The following SLC26A5 variants were observed in gnomAD, a reference collection of about 807,000 sequenced individuals.
SLC26A5 encodes the protein solute carrier family 26 member 5, also known as prestin.
SLC26A5 carries 51 observed loss-of-function variants against 81.0 expected under a neutral mutation model. That is an observed-to-expected ratio of 0.63 (90% CI 0.50 to 0.80). The LOEUF (loss-of-function observed/expected upper bound fraction) is 0.80. Ranked by LOEUF, SLC26A5 falls within the 30% of genes least tolerant of loss-of-function variation. The pLI is 0.00. For synonymous variants in SLC26A5, 325 were observed against 332.8 expected (o/e 0.98, Z 0.25); for missense variants, 771 against 905.8 (o/e 0.85, Z 1.91).
At chr7:103,406,163 T>A (rs1361440393) in intron 8 of SLC26A5, among the ~76,000 whole-genome samples, 1 of 152,200 alleles carries the variant, frequency 6.6e-6, no homozygotes, top group African/African-American at 2.4e-5. Flanking sequence ...TCCCTGCCTT[T>A]AGCCCCCTTT....
intron 15 of SLC26A5, among the ~76,000 whole-genome samples, chr7:103,379,741 T>TA (rs2116369796): frequency 6.6e-6 from 1 of 152,296 alleles, no homozygotes; most frequent in South Asian, 2.1e-4. Context: ...AACAGAAGTT[T>TA]ACACTGGTTT....
chr7:103,424,651 A>G (rs959390987), intron 2 of SLC26A5, among the ~76,000 whole-genome samples: 3 of 152,236 alleles, frequency 2.0e-5, no homozygotes, highest in African/African-American at 7.2e-5. Flanking sequence ...AAGGTCTAAT[A>G]AGAATCAGAC....
chr7:103,402,897 T>C (rs1823725484), intron 8 of SLC26A5, among the ~76,000 whole-genome samples: 1 of 152,200 alleles, frequency 6.6e-6, no homozygotes, highest in African/African-American at 2.4e-5. Context: ...TGATCTTAGT[T>C]ATTTCTTGTC....
chr7:103,422,518 A>T (rs1027025816), intron 2 of SLC26A5, among the ~76,000 whole-genome samples: 6 of 152,164 alleles, frequency 3.9e-5, no homozygotes, highest in African/African-American at 1.4e-4. Flanking sequence ...ATTTGTAGTA[A>T]AAGTATAAAA....
At chr7:103,413,230 T>C in intron 4 of SLC26A5, 118 bp from the exon 5 acceptor site, 1 of 733,570 alleles carries the variant, frequency 1.4e-6, no homozygotes, top group Non-Finnish European at 2.4e-6. Context: ...TAATTTAAGC[T>C]GCAACCTGCC....
chr7:103,420,382 A>G (rs1053230933), intron 4 of SLC26A5, among the ~76,000 whole-genome samples: 3 of 145,096 alleles, frequency 2.1e-5, no homozygotes, highest in Admixed American at 7.2e-5. Context: ...TACAGCCTTG[A>G]ACTTTGGGGC....
intron 2 of SLC26A5, among the ~76,000 whole-genome samples, chr7:103,442,280 G>C (rs550735785): frequency 6.6e-6 from 1 of 152,228 alleles, no homozygotes; most frequent in South Asian, 2.1e-4. Flanking sequence ...TGGGATTACA[G>C]GCATGTGCCA....
intron 19 of SLC26A5, among the ~76,000 whole-genome samples, chr7:103,363,798 T>A (rs1005955619): frequency 4.6e-5 from 7 of 152,160 alleles, no homozygotes; most frequent in Admixed American, 3.3e-4. Flanking sequence ...CTTGGGAGGA[T>A]AATGGAAAAC....
chr7:103,361,159 A>G (rs1408270636), intron 19 of SLC26A5, among the ~76,000 whole-genome samples: 1 of 13,570 alleles, frequency 7.4e-5, no homozygotes, highest in African/African-American at 7.9e-5. Flanking sequence ...TGCCTCAGTT[A>G]AAAAAAGAAA....
chr7:103,369,895 C>G (rs975145838), downstream of SLC26A5, among the ~76,000 whole-genome samples: 4 of 152,134 alleles, frequency 2.6e-5, no homozygotes, highest in South Asian at 6.2e-4. Flanking sequence ...TTATCTGTTA[C>G]GTAAAGTGAA....
chr7:103,428,546 A>G (rs1825852268), intron 2 of SLC26A5, among the ~76,000 whole-genome samples: 1 of 144,216 alleles, frequency 6.9e-6, no homozygotes, highest in South Asian at 2.2e-4. Context: ...CACAAGGTCT[A>G]CCCTGCCAGT....
intron 2 of SLC26A5, among the ~76,000 whole-genome samples, chr7:103,431,782 T>C (rs1352079280): frequency 6.6e-6 from 1 of 152,258 alleles, no homozygotes; most frequent in African/African-American, 2.4e-5. Context: ...CATTAAATGC[T>C]AGTAGCATTC....
At position 103,416,722 on chromosome 7, in the gene SLC26A5, A is replaced by T. The variant is rs1021449374; in HGVS notation, c.293-3610T>A. ...TTGTCCATCTGCTTGCCATATATAT[A>T]TTTTTCCTGTTCCACGTGTCTCCTC... On this transcript the variant is annotated intron_variant, in intron 4 of 19. Transcript: ENST00000306312. Among the ~76,000 whole-genome samples, 9 of 151,180 alleles carry T rather than the reference A, an allele frequency of 6.0e-5. No homozygotes were observed. In the East Asian group the frequency reaches 1.4e-3, roughly 23 times the overall value.
chr7:103,389,563 G>A, intron 12 of SLC26A5, 139 bp from the exon 13 acceptor site: 1 of 714,992 alleles, frequency 1.4e-6, no homozygotes, highest in South Asian at 1.5e-5. Flanking sequence ...TAGCTTTGAA[G>A]CCATGAACAC....
intron 2 of SLC26A5, among the ~76,000 whole-genome samples, chr7:103,430,875 C>A (rs1826031540): frequency 6.6e-6 from 1 of 152,156 alleles, no homozygotes; most frequent in South Asian, 2.1e-4. Flanking sequence ...ATACCCCAGT[C>A]CTCCTTTGTC....
chr7:103,380,032 C>T (rs568858747), intron 15 of SLC26A5, among the ~76,000 whole-genome samples: 8 of 152,136 alleles, frequency 5.3e-5, no homozygotes, highest in Admixed American at 1.3e-4. Flanking sequence ...TAAAAATCTT[C>T]GATATTCCAC....
intron 7 of SLC26A5, 30 bp from the exon 8 acceptor site, chr7:103,408,033 A>T (rs748737179): frequency 3.7e-6 from 6 of 1,613,700 alleles, no homozygotes; most frequent in Non-Finnish European, 1.7e-6. Context: ...GGATGTTTAC[A>T]TCAAGAAATC....
chr7:103,407,370 C>A (rs1824139917), intron 8 of SLC26A5, among the ~76,000 whole-genome samples: 2 of 152,210 alleles, frequency 1.3e-5, no homozygotes, highest in East Asian at 3.9e-4. Context: ...TTTTTATAAA[C>A]AACTACGAAG....
chr7:103,439,433 T>C (rs936802590), intron 2 of SLC26A5, among the ~76,000 whole-genome samples: 3 of 152,218 alleles, frequency 2.0e-5, no homozygotes, highest in African/African-American at 7.2e-5. Context: ...CTCAAACTCT[T>C]GTCCACTGCT....
Sources: gnomAD v4.1 joint callset for allele counts (sites outside exome capture counted in the v4.1 genomes callset) on GRCh38, gnomAD v4.1.1 for gene constraint, MANE v1.5 for transcripts, NCBI Gene and HGNC (gene_info 2026-07-23, HGNC 2026-07-21) for gene names.